Variants in ZMYM1 observed in about 807,000 individuals in gnomAD.
ZMYM1 encodes zinc finger MYM-type containing 1, also known as zinc finger MYM-type protein 1.
In ZMYM1, 39 loss-of-function variants were observed where a neutral mutation model predicts 60.0. The observed-to-expected ratio is 0.65, with a 90% CI of 0.50 to 0.85. The LOEUF is 0.85. Among genes scored for constraint, ZMYM1 ranks in the 40% least tolerant of loss-of-function variants. The pLI is 0.00. For synonymous variants in ZMYM1, 413 were observed against 454.0 expected (o/e 0.91, Z 1.15); for missense variants, 1,171 against 1,309.5 (o/e 0.89, Z 1.63).
At chr1:35,086,234 T>C (rs1020181227) in intron 1 of ZMYM1, among the ~76,000 whole-genome samples, 3 of 152,202 alleles carry the variant, frequency 2.0e-5, no homozygotes, top group Admixed American at 6.5e-5. Flanking sequence ...TAAGGTTTTT[T>C]CCCAAAATTT....
At chr1:35,084,534 C>G (rs1344405470) in intron 1 of ZMYM1, among the ~76,000 whole-genome samples, 7 of 152,180 alleles carry the variant, frequency 4.6e-5, no homozygotes, top group Non-Finnish European at 1.0e-4. Context: ...TCAGTTTGTC[C>G]TTTCTTCTTG....
intron 1 of ZMYM1, chr1:35,059,959 C>T (rs1411993072): frequency 6.6e-6 from 1 of 152,056 alleles, no homozygotes; most frequent in African/African-American, 2.4e-5. Context: ...CTCACCCTTA[C>T]TTATATAATT....
At chr1:35,088,005 A>C (rs1642749187) in intron 1 of ZMYM1, among the ~76,000 whole-genome samples, 1 of 152,094 alleles carries the variant, frequency 6.6e-6, no homozygotes, top group Non-Finnish European at 1.5e-5. Flanking sequence ...GGTTGCAGTG[A>C]GCTGAGATTA....
intron 1 of ZMYM1, among the ~76,000 whole-genome samples, chr1:35,065,829 A>C (rs1641964048): frequency 6.6e-6 from 1 of 152,138 alleles, no homozygotes; most frequent in African/African-American, 2.4e-5. Flanking sequence ...GAGTAACCAC[A>C]ACTTATTAAT....
At chr1:35,074,206 T>A (rs1290105135) in intron 1 of ZMYM1, among the ~76,000 whole-genome samples, 2 of 152,220 alleles carry the variant, frequency 1.3e-5, no homozygotes, top group African/African-American at 4.8e-5. Context: ...TTGTTGATTT[T>A]ATACCATGTG....
intron 1 of ZMYM1, among the ~76,000 whole-genome samples, chr1:35,090,638 A>G (rs747607127): frequency 1.1e-4 from 17 of 152,190 alleles, no homozygotes; most frequent in Non-Finnish European, 2.5e-4. Context: ...GGCATGTGTG[A>G]TGGGAAAATA....
chr1:35,065,019 T>G (rs1195046093), intron 1 of ZMYM1, among the ~76,000 whole-genome samples: 1 of 152,154 alleles, frequency 6.6e-6, no homozygotes, highest in Non-Finnish European at 1.5e-5. Context: ...GACCATGGAT[T>G]AAAGAAGACT....
chr1:35,095,048 A>G (rs1386602460), intron 2 of ZMYM1, among the ~76,000 whole-genome samples: 4 of 152,080 alleles, frequency 2.6e-5, no homozygotes, highest in Non-Finnish European at 5.9e-5. Flanking sequence ...GGAACTATCT[A>G]TTGCTTCTTC....
intron 4 of ZMYM1, among the ~76,000 whole-genome samples, chr1:35,102,591 G>A (rs575748982): frequency 6.6e-6 from 1 of 152,148 alleles, no homozygotes; most frequent in East Asian, 1.9e-4. Flanking sequence ...GATAAATACT[G>A]TCGTTTTACT....
intron 6 of ZMYM1, among the ~76,000 whole-genome samples, chr1:35,109,698 T>C (rs542181585): frequency 6.6e-6 from 1 of 152,198 alleles, no homozygotes; most frequent in African/African-American, 2.4e-5. Context: ...GTTTATCCAG[T>C]AGGCTTTGAC....
At chr1:35,066,453 G>A (rs113674387) in intron 1 of ZMYM1, among the ~76,000 whole-genome samples, 2,149 of 152,168 alleles carry the variant, frequency 0.014, 59 homozygotes, top group African/African-American at 0.049. Flanking sequence ...CTGCTTGGGC[G>A]TCCCAAAGTG....
intron 1 of ZMYM1, among the ~76,000 whole-genome samples, chr1:35,079,759 C>G (rs1470513110): frequency 1.3e-5 from 2 of 152,228 alleles, no homozygotes; most frequent in East Asian, 1.9e-4. Flanking sequence ...TCCGCAGCCT[C>G]CGTTTCAGAA....
chr1:35,073,338 AAAGGAAGG>A lies in ZMYM1; in HGVS notation c.-300-5625_-300-5618del, dbSNP rs71029062. Among the ~76,000 whole-genome samples the A allele has an allele frequency of 5.9e-3, 682 of 115,766 alleles. 3 individuals are homozygous for A. Among genetic ancestry groups the A allele is most frequent in the Non-Finnish European group, 7.0e-3 (417 of 59,634 alleles). The allele number at this position is 115,766 out of a possible 152,430, so 75.9% of individuals were successfully genotyped here. ...GAAAAAAAGAAAGGGAGAAAGAAAG[AAAGGAAGG>A]AAGGAAGGAAGGAAGGAAGGAAGGA... On this transcript the variant is annotated intron_variant, in intron 1 of 10. Coordinates refer to the ZMYM1 transcript ENST00000417119.
downstream of ZMYM1, among the ~76,000 whole-genome samples, chr1:35,118,194 T>TC (rs113439648): frequency 0.014 from 2,046 of 143,600 alleles, 57 homozygotes; most frequent in African/African-American, 0.05. Flanking sequence ...TGAGCCAAGA[T>TC]CGTGCCATTG....
chr1:35,075,464 A>C (rs1642150628), upstream of ZMYM1, among the ~76,000 whole-genome samples: 1 of 152,008 alleles, frequency 6.6e-6, no homozygotes, highest in African/African-American at 2.4e-5. Flanking sequence ...CACTCACATA[A>C]AGGAAGCCCC....
At chr1:35,102,581 G>C (rs187367785) in intron 4 of ZMYM1, among the ~76,000 whole-genome samples, 1 of 152,120 alleles carries the variant, frequency 6.6e-6, no homozygotes, top group Admixed American at 6.5e-5. Flanking sequence ...TATTGTTGGC[G>C]ATAAATACTG....
intron 4 of ZMYM1, among the ~76,000 whole-genome samples, chr1:35,100,600 C>T (rs1282510080): frequency 2.7e-5 from 4 of 148,096 alleles, no homozygotes; most frequent in Non-Finnish European, 4.5e-5. Context: ...CCAGCCTGGG[C>T]AACGGAGTGA....
intron 1 of ZMYM1, among the ~76,000 whole-genome samples, chr1:35,087,677 G>A (rs6666227): frequency 6.6e-6 from 1 of 151,804 alleles, no homozygotes; most frequent in Non-Finnish European, 1.5e-5. Context: ...ATCAGCCCGC[G>A]TTGGCCTCCC....
chr1:35,096,013 CT>C (rs2148519280), intron 3 of ZMYM1, 122 bp downstream of exon 3: 1 of 753,038 alleles, frequency 1.3e-6, no homozygotes, highest in East Asian at 2.8e-5. Context: ...GAGAAGTAAC[CT>C]GTAAGAAAAT....
Sources: allele counts gnomAD v4.1 joint callset (sites outside exome capture counted in the v4.1 genomes callset), GRCh38; gene constraint gnomAD v4.1.1; transcripts MANE v1.5; gene names NCBI Gene and HGNC (gene_info 2026-07-23, HGNC 2026-07-21).